Variants in CPVL observed in about 807,000 individuals in gnomAD.
The protein encoded by CPVL is carboxypeptidase vitellogenic like, also known as probable serine carboxypeptidase CPVL.
A neutral mutation model predicts 63.7 loss-of-function variants in CPVL; 51 were observed. The observed-to-expected ratio is 0.80, with a 90% CI of 0.64 to 1.01. CPVL has a LOEUF of 1.01. Among genes scored for constraint, CPVL ranks in the 50% least tolerant of loss-of-function variants. CPVL has a pLI of 0.00. For missense variants in CPVL, 530 were observed against 573.1 expected (o/e 0.92, Z 0.77); for synonymous variants, 195 against 206.0 (o/e 0.95, Z 0.46).
Position 29,061,943 on chromosome 7 carries a change from C to CAAA in CPVL, c.1137+2115_1137+2117dup, listed in dbSNP as rs558152536. On this transcript the variant is annotated intron_variant, in intron 11 of 12. Transcript: ENST00000265394. Reference sequence around the variant, plus strand: ...GGGCAACAAGAGCAAAACTCTATCTCAAAAAAAAAAAAAAAAAGTGTGTAC... The same window carrying CAAA: ...GGGCAACAAGAGCAAAACTCTATCTCAAAAAAAAAAAAAAAAAAAAGTGTGTAC... 3.8e-5 allele frequency among the ~76,000 whole-genome samples: 4 copies of CAAA among 104,154 alleles called. No homozygotes were observed. The East Asian group carries it at 8.0e-4, about 21-fold the overall frequency. 68.3% of individuals were successfully genotyped at this position (104,154 alleles called of 152,430 possible).
intron 1 of CPVL, among the ~76,000 whole-genome samples, chr7:29,134,963 C>G (rs1161725269): frequency 1.3e-5 from 2 of 151,878 alleles, no homozygotes; most frequent in Non-Finnish European, 2.9e-5. Flanking sequence ...ATTAGCCAGA[C>G]ATGGTGGCAC....
chr7:29,030,492 G>A (rs1243537278), intron 12 of CPVL, 85 bp downstream of exon 12: 18 of 1,298,532 alleles, frequency 1.4e-5, no homozygotes, highest in South Asian at 1.1e-4. Flanking sequence ...GCTTAAGGTC[G>A]GCCATGTCTC....
intron 1 of CPVL, chr7:29,122,736 G>C (rs1351504569): frequency 6.9e-6 from 1 of 144,940 alleles, no homozygotes; most frequent in Non-Finnish European, 1.5e-5. Flanking sequence ...TACAGATGCA[G>C]GGTCAGATCT....
At chr7:29,116,661 G>C (rs961324875) in intron 2 of CPVL, among the ~76,000 whole-genome samples, 1 of 152,166 alleles carries the variant, frequency 6.6e-6, no homozygotes, top group Non-Finnish European at 1.5e-5. Flanking sequence ...GACATTATCA[G>C]ATCATAAGTA....
At chr7:29,006,567 A>G (rs769739070) in intron 12 of CPVL, among the ~76,000 whole-genome samples, 1 of 152,158 alleles carries the variant, frequency 6.6e-6, no homozygotes. Flanking sequence ...TCTTCCATTT[A>G]TATCAGAGCA....
At chr7:29,093,447 C>T (rs542093091) in intron 5 of CPVL, among the ~76,000 whole-genome samples, 3 of 151,476 alleles carry the variant, frequency 2.0e-5, no homozygotes, top group Non-Finnish European at 4.4e-5. Context: ...CATTGTCTTC[C>T]TCTTCTTCTT....
intron 12 of CPVL, among the ~76,000 whole-genome samples, chr7:28,998,943 T>C (rs994176825): frequency 6.6e-6 from 1 of 152,156 alleles, no homozygotes; most frequent in East Asian, 1.9e-4. Context: ...CAGTGGCTCA[T>C]GCCTGTAATC....
At chr7:29,100,304 G>C (rs1786981803) in intron 3 of CPVL, among the ~76,000 whole-genome samples, 2 of 152,116 alleles carry the variant, frequency 1.3e-5, no homozygotes, top group Admixed American at 6.6e-5. Flanking sequence ...TTCTCTTTTG[G>C]AGAGTAGTAT....
intron 11 of CPVL, among the ~76,000 whole-genome samples, chr7:29,043,694 T>C (rs1434063509): frequency 1.3e-5 from 2 of 152,166 alleles, no homozygotes; most frequent in East Asian, 3.9e-4. Flanking sequence ...ATGATAATAA[T>C]AACAGTCATA....
chr7:29,112,713 G>C lies in CPVL; in HGVS notation c.279C>G (p.Phe93Leu). 6.2e-7 allele frequency: 1 copy of C among 1,610,942 alleles called. No homozygotes were observed. Among genetic ancestry groups the C allele is most frequent in the Non-Finnish European group, 8.5e-7 (1 of 1,177,576 alleles). The change falls in exon 3 of 13, where the codon TTC (phenylalanine) becomes TTG (leucine). Residue 93 changes from phenylalanine to leucine, a missense_variant. By Grantham distance (22) the Phe-to-Leu change is conservative. Transcript: ENST00000265394. ...TCTGTTGGGCACCTACCTGAGCTGG[G>C]AAGAACCAGAAGAAGAGGTTGCTGT... The part of the protein sequence containing the change: ...TYNSNLFFWF[F>L]PAQIQPEDAP...
chr7:29,063,867 G>C (rs632812), intron 11 of CPVL, among the ~76,000 whole-genome samples, 194 bp downstream of exon 11: 128,376 of 151,972 alleles, frequency 0.84, 54,257 homozygotes, highest in South Asian at 0.91. Context: ...TCACCACAAC[G>C]GCAAAAGTGG....
At chr7:29,166,638 A>T (rs574587690) in intron 5 of CPVL, among the ~76,000 whole-genome samples, 1 of 152,092 alleles carries the variant, frequency 6.6e-6, no homozygotes, top group Non-Finnish European at 1.5e-5. Flanking sequence ...AAGTTGTCAA[A>T]TATTATGGCA....
intron 5 of CPVL, among the ~76,000 whole-genome samples, chr7:29,169,861 C>CGTGTGTGT (rs71555785): frequency 3.4e-5 from 5 of 147,822 alleles, no homozygotes; most frequent in Admixed American, 1.4e-4. Context: ...AGTATATATA[C>CGTGTGTGT]GTGTGTGTGT....
chr7:29,003,324 C>T (rs970277370), intron 12 of CPVL, among the ~76,000 whole-genome samples: 4 of 152,116 alleles, frequency 2.6e-5, no homozygotes, highest in African/African-American at 9.7e-5. Context: ...AGCTGGAAGA[C>T]AGTGAAATAA....
intron 7 of CPVL, among the ~76,000 whole-genome samples, chr7:29,084,300 T>C (rs377631198): frequency 3.9e-5 from 6 of 152,326 alleles, no homozygotes; most frequent in South Asian, 2.1e-4. Flanking sequence ...CTGTCCCCAC[T>C]GGAGAGTCTT....
chr7:29,101,343 A>G (rs893863442), intron 3 of CPVL, among the ~76,000 whole-genome samples: 12 of 152,178 alleles, frequency 7.9e-5, no homozygotes, highest in Admixed American at 3.3e-4. Context: ...GCTCATGCCT[A>G]TAATCCCAGC....
intron 5 of CPVL, among the ~76,000 whole-genome samples, chr7:29,180,053 A>G (rs928198074): frequency 6.6e-6 from 1 of 152,220 alleles, no homozygotes; most frequent in South Asian, 2.1e-4. Flanking sequence ...TCAATGATGT[A>G]GGTTATTTCA....
chr7:29,102,634 T>C (rs1043883315), intron 3 of CPVL, among the ~76,000 whole-genome samples: 1 of 152,152 alleles, frequency 6.6e-6, no homozygotes, highest in East Asian at 1.9e-4. Context: ...GAAGTCTCCC[T>C]AGCAACAGAA....
intron 5 of CPVL, among the ~76,000 whole-genome samples, chr7:29,181,002 A>G (rs1320560150): frequency 4.6e-5 from 7 of 152,264 alleles, no homozygotes; most frequent in Non-Finnish European, 8.8e-5. Flanking sequence ...AGTTTGCAAA[A>G]GAAGAAATAC....
Sources: allele counts gnomAD v4.1 joint callset (sites outside exome capture counted in the v4.1 genomes callset), GRCh38; gene constraint gnomAD v4.1.1; transcripts MANE v1.5; gene names NCBI Gene and HGNC (gene_info 2026-07-23, HGNC 2026-07-21).